The following FILIP1 variants were observed in gnomAD, a reference collection of about 807,000 sequenced individuals.
FILIP1 encodes the protein filamin-A-interacting protein 1.
Under a neutral mutation model 102.1 loss-of-function variants are expected in FILIP1, and 61 were observed. The observed-to-expected ratio is 0.60, with a 90% confidence interval of 0.49 to 0.74. The LOEUF is 0.74. Ranked by LOEUF, FILIP1 falls within the 30% of genes least tolerant of loss-of-function variation. The pLI, the probability that FILIP1 is intolerant of heterozygous loss-of-function variation, is 0.00. For missense variants in FILIP1, 1,314 were observed against 1,441.2 expected, an observed-to-expected ratio of 0.91 and a Z score of 1.43; for synonymous variants, 491 against 526.9, an observed-to-expected ratio of 0.93 and a Z score of 0.93.
chr6:75,448,102 C>T (rs1336214366), intron 1 of FILIP1, among the ~76,000 whole-genome samples: 1 of 152,092 alleles, frequency 6.6e-6, no homozygotes. Context: ...ATGCCAGACA[C>T]TAAATAAGTT....
At chr6:75,427,830 A>G (rs908176334) in intron 1 of FILIP1, among the ~76,000 whole-genome samples, 3 of 152,150 alleles carry the variant, frequency 2.0e-5, no homozygotes, top group African/African-American at 7.2e-5. Flanking sequence ...TCACTCTTCC[A>G]GAATTACAGA....
intron 1 of FILIP1, among the ~76,000 whole-genome samples, chr6:75,491,931 G>A (rs1434666892): frequency 6.6e-6 from 1 of 152,102 alleles, no homozygotes; most frequent in African/African-American, 2.4e-5. Context: ...GGTAGATTTT[G>A]GCCTTACACA....
chr6:75,470,109 A>G (rs1388693089), intron 1 of FILIP1, among the ~76,000 whole-genome samples: 8 of 152,168 alleles, frequency 5.3e-5, no homozygotes, highest in Admixed American at 5.2e-4. Flanking sequence ...ATAAATGTTG[A>G]AAAACAAGGG....
At chr6:75,454,069 T>C in intron 1 of FILIP1, 1 of 455,288 alleles carries the variant, frequency 2.2e-6, no homozygotes, top group South Asian at 1.6e-5. Flanking sequence ...GCTTAATTGT[T>C]TCTTCTGCTT....
intron 2 of FILIP1, among the ~76,000 whole-genome samples, chr6:75,371,373 TTTC>T (rs1469333283): frequency 6.6e-6 from 1 of 152,170 alleles, no homozygotes; most frequent in Non-Finnish European, 1.5e-5. Flanking sequence ...ACAGACGCAA[TTTC>T]TTATGTTAAA....
At chr6:75,454,868 A>C (rs893969734) in intron 1 of FILIP1, 2 of 152,262 alleles carry the variant, frequency 1.3e-5, no homozygotes, top group African/African-American at 4.8e-5. Flanking sequence ...CAGACACTGA[A>C]GAACCAAGGA....
At chr6:75,425,681 A>G (rs1354989545) in intron 1 of FILIP1, among the ~76,000 whole-genome samples, 1 of 152,158 alleles carries the variant, frequency 6.6e-6, no homozygotes, top group Non-Finnish European at 1.5e-5. Context: ...AATGCTGGAC[A>G]AGTCACTTAA....
intron 4 of FILIP1, among the ~76,000 whole-genome samples, chr6:75,343,461 A>G (rs1490704085): frequency 6.6e-6 from 1 of 152,110 alleles, no homozygotes; most frequent in African/African-American, 2.4e-5. Context: ...AGCTCTGAAC[A>G]GAGCCTCTTA....
At chr6:75,393,384 C>T (rs1776349092) in intron 2 of FILIP1, among the ~76,000 whole-genome samples, 1 of 151,996 alleles carries the variant, frequency 6.6e-6, no homozygotes, top group African/African-American at 2.4e-5. Context: ...TATCATTTTC[C>T]TAAAATTCGC....
chr6:75,369,258 G>T (rs946051382), intron 2 of FILIP1, among the ~76,000 whole-genome samples: 3 of 152,148 alleles, frequency 2.0e-5, no homozygotes, highest in Non-Finnish European at 4.4e-5. Flanking sequence ...GGGCAAATGA[G>T]GGTGACCAAA....
At chr6:75,464,185 C>G (rs1233869432) in intron 1 of FILIP1, among the ~76,000 whole-genome samples, 1 of 152,138 alleles carries the variant, frequency 6.6e-6, no homozygotes, top group Non-Finnish European at 1.5e-5. Context: ...AGGCCTAATA[C>G]TCAAGTACTT....
chr6:75,414,038 C>T (rs1172501331), intron 2 of FILIP1, among the ~76,000 whole-genome samples: 1 of 149,988 alleles, frequency 6.7e-6, no homozygotes, highest in African/African-American at 2.5e-5. Context: ...GCCTCAGATT[C>T]TTCATTTATA....
intron 2 of FILIP1, among the ~76,000 whole-genome samples, chr6:75,409,043 C>T (rs557580041): frequency 3.3e-5 from 5 of 152,314 alleles, no homozygotes; most frequent in African/African-American, 1.2e-4. Context: ...TTAAATTTCT[C>T]TTACCTAAAA....
At chr6:75,456,681 T>A (rs922499092) in intron 1 of FILIP1, among the ~76,000 whole-genome samples, 3 of 151,774 alleles carry the variant, frequency 2.0e-5, no homozygotes, top group Non-Finnish European at 4.4e-5. Flanking sequence ...TGCCTCAGCA[T>A]CCTGAGTAAC....
downstream of FILIP1, among the ~76,000 whole-genome samples, chr6:75,306,717 G>T (rs2149538520): frequency 6.6e-6 from 1 of 151,848 alleles, no homozygotes; most frequent in East Asian, 1.9e-4. Flanking sequence ...CCATTACTAT[G>T]GCAGGTCTTT....
intron 1 of FILIP1, among the ~76,000 whole-genome samples, chr6:75,436,175 C>G (rs1428761039): frequency 1.3e-5 from 2 of 151,916 alleles, no homozygotes; most frequent in Non-Finnish European, 2.9e-5. Flanking sequence ...GAGTTCAAGA[C>G]CATCCTGGAC....
At chr6:75,442,576 A>AC (rs1245380183) in intron 1 of FILIP1, among the ~76,000 whole-genome samples, 88 of 152,160 alleles carry the variant, frequency 5.8e-4, no homozygotes, top group African/African-American at 2.0e-3. Context: ...ACACAGCGAA[A>AC]CCCCGTCTCC....
chr6:75,319,966 A>G, intron 4 of FILIP1: 1 of 402,128 alleles, frequency 2.5e-6, no homozygotes, highest in Non-Finnish European at 4.5e-6. Flanking sequence ...GCTTCTTAGG[A>G]TCTCCATTGC....
At chr6:75,320,079 C>A in intron 4 of FILIP1, 2 of 232,256 alleles carry the variant, frequency 8.6e-6, no homozygotes, top group East Asian at 9.5e-5. Flanking sequence ...ACTGCAATGG[C>A]TGTCCCAACT....
Sources: gnomAD v4.1 joint callset for allele counts (sites outside exome capture counted in the v4.1 genomes callset) on GRCh38, gnomAD v4.1.1 for gene constraint, MANE v1.5 for transcripts, NCBI Gene and HGNC (gene_info 2026-07-23, HGNC 2026-07-21) for gene names.